Variants in PHF24 observed in about 807,000 individuals in gnomAD.
PHF24 encodes Galpha inhibitory interacting protein.
Under a neutral mutation model 42.6 loss-of-function variants are expected in PHF24, and 25 were observed. That is an observed-to-expected ratio of 0.59 (90% CI 0.43 to 0.82). PHF24 has a LOEUF of 0.82. Among genes scored for constraint, PHF24 ranks in the 40% least tolerant of loss-of-function variants. The pLI is 0.00. For missense variants in PHF24, 470 were observed against 538.1 expected (o/e 0.87, Z 1.25); for synonymous variants, 185 against 204.8 (o/e 0.90, Z 0.83).
chr9:34,848,241 G>C, the PHF24 span, among the ~76,000 whole-genome samples: 568 of 148,306 alleles, frequency 3.8e-3, 3 homozygotes, highest in Middle Eastern at 0.01. Flanking sequence ...GGACTCTTTT[G>C]GGTTGGTAAG....
chr9:34,666,552 ATTT>A, the PHF24 span, among the ~76,000 whole-genome samples: 1,400 of 132,588 alleles, frequency 0.011, 27 homozygotes, highest in African/African-American at 0.038. Flanking sequence ...TCTTCTTGTG[ATTT>A]TTTTTTTTTT....
At chr9:34,933,297 ATTT>A in the PHF24 span, among the ~76,000 whole-genome samples, 7 of 152,134 alleles carry the variant, frequency 4.6e-5, no homozygotes, top group Admixed American at 2.6e-4. Context: ...TATTACACAG[ATTT>A]TCTTATGATA....
At chr9:34,885,784 C>T in the PHF24 span, among the ~76,000 whole-genome samples, 1 of 151,760 alleles carries the variant, frequency 6.6e-6, no homozygotes, top group Non-Finnish European at 1.5e-5. Flanking sequence ...GTTCCAAGAG[C>T]ACCTGCTGCA....
the PHF24 span, among the ~76,000 whole-genome samples, chr9:34,718,791 T>C: frequency 6.6e-6 from 1 of 152,298 alleles, no homozygotes; most frequent in Admixed American, 6.5e-5. Context: ...AACAACTCAG[T>C]GTTGAACACA....
At chr9:34,710,278 C>A in the PHF24 span, among the ~76,000 whole-genome samples, 6 of 152,214 alleles carry the variant, frequency 3.9e-5, no homozygotes, top group East Asian at 1.2e-3. Flanking sequence ...CAGTCCTCAG[C>A]TGCCAAATTT....
chr9:34,780,330 T>C, the PHF24 span, among the ~76,000 whole-genome samples: 1 of 121,642 alleles, frequency 8.2e-6, no homozygotes, highest in African/African-American at 2.9e-5. Context: ...ACAGTCTTAC[T>C]CTGTTGCCCA....
chr9:34,701,617 G>A, the PHF24 span, among the ~76,000 whole-genome samples: 1 of 152,070 alleles, frequency 6.6e-6, no homozygotes, highest in Non-Finnish European at 1.5e-5. This position sits in a 1 kb window ranked among gnomAD's most constrained non-coding sequence, Gnocchi z 5.8. Flanking sequence ...CGGCTCCCTG[G>A]CCCCGCCGTC....
At chr9:34,846,904 A>G in the PHF24 span, among the ~76,000 whole-genome samples, 303 of 152,218 alleles carry the variant, frequency 2.0e-3, 8 homozygotes, top group East Asian at 0.051. Context: ...AAGATCAGAT[A>G]GTTGTAGATA....
chr9:34,722,340 A>G, the PHF24 span, among the ~76,000 whole-genome samples: 4 of 152,218 alleles, frequency 2.6e-5, no homozygotes, highest in African/African-American at 9.6e-5. Context: ...AAATAACTGG[A>G]AAGATGGAGC....
the PHF24 span, among the ~76,000 whole-genome samples, chr9:34,911,411 G>A: frequency 2.1e-4 from 32 of 152,102 alleles, 1 homozygote; most frequent in South Asian, 6.0e-3. Flanking sequence ...CCGCCACCAC[G>A]CCTGGATAAT....
chr9:34,980,592 G>C (rs548137149), exon 8 of PHF24: 1 of 152,112 alleles, frequency 6.6e-6, no homozygotes, highest in African/African-American at 2.4e-5. Context: ...CCCAACCCCC[G>C]TCCAGAATCT....
the PHF24 span, among the ~76,000 whole-genome samples, chr9:34,780,298 C>CTTTTTTTTTTTTT: frequency 4.7e-5 from 3 of 63,906 alleles, no homozygotes; most frequent in East Asian, 3.2e-4. Flanking sequence ...TTCTTTTTTT[C>CTTTTTTTTTTTTT]TTTTTTTTTT....
At chr9:34,960,925 C>A (rs1000799062) in intron 1 of PHF24, among the ~76,000 whole-genome samples, 1 of 152,156 alleles carries the variant, frequency 6.6e-6, no homozygotes, top group Admixed American at 6.5e-5. Flanking sequence ...GGGGAGAGAA[C>A]GGCTCACCCA....
the PHF24 span, among the ~76,000 whole-genome samples, chr9:34,734,498 C>G: frequency 2.6e-5 from 4 of 152,300 alleles, no homozygotes; most frequent in African/African-American, 9.6e-5. Context: ...CAAGCCCTTC[C>G]CAGATTCTTC....
At chr9:34,676,231 G>A in the PHF24 span, among the ~76,000 whole-genome samples, 9 of 152,184 alleles carry the variant, frequency 5.9e-5, no homozygotes, top group Admixed American at 2.0e-4. Context: ...ACATTAAAGA[G>A]GTAGAAGTTG....
the PHF24 span, among the ~76,000 whole-genome samples, chr9:34,824,009 G>A: frequency 1.3e-5 from 2 of 152,326 alleles, no homozygotes; most frequent in Admixed American, 1.3e-4. Context: ...TTTGGGTGTT[G>A]CAAGAGTCTG....
the PHF24 span, among the ~76,000 whole-genome samples, chr9:34,762,619 T>C: frequency 6.8e-6 from 1 of 147,610 alleles, no homozygotes; most frequent in Non-Finnish European, 1.5e-5. Context: ...ATGAGTAGGT[T>C]GCAAAAATTT....
At chr9:34,727,833 C>T in the PHF24 span, among the ~76,000 whole-genome samples, 1 of 152,138 alleles carries the variant, frequency 6.6e-6, no homozygotes, top group African/African-American at 2.4e-5. Context: ...CTGAACTGGG[C>T]AGCTCATCTC....
At chr9:34,922,871 C>G in the PHF24 span, 1 of 1,575,732 alleles carries the variant, frequency 6.3e-7, no homozygotes, top group East Asian at 2.2e-5. Flanking sequence ...CATCATACCA[C>G]TCAGCCTGCT....
Sources: gnomAD v4.1 joint callset for allele counts (sites outside exome capture counted in the v4.1 genomes callset) on GRCh38, gnomAD v4.1.1 for gene constraint, Gnocchi (gnomAD v3.1) non-coding constraint, MANE v1.5 for transcripts, NCBI Gene and HGNC (gene_info 2026-07-23, HGNC 2026-07-21) for gene names.